CAP2: variants seen among roughly 807,000 people sequenced by gnomAD.
CAP2 encodes adenylyl cyclase-associated protein 2.
In CAP2, 24 loss-of-function variants were observed where a neutral mutation model predicts 57.7. The ratio of observed to expected loss-of-function variants is 0.42; its 90% CI spans 0.30 to 0.58. The LOEUF (loss-of-function observed/expected upper bound fraction) is 0.58, where lower values mean the gene tolerates loss of function less well. Among genes scored for constraint, CAP2 ranks in the 20% least tolerant of loss-of-function variants. CAP2 has a pLI of 0.22. For synonymous variants in CAP2, 194 were observed against 207.2 expected (o/e 0.94, Z 0.55); for missense variants, 501 against 590.3 (o/e 0.85, Z 1.57).
At chr6:17,537,857 A>G (rs1762809327) in intron 7 of CAP2, among the ~76,000 whole-genome samples, 1 of 152,112 alleles carries the variant, frequency 6.6e-6, no homozygotes, top group South Asian at 2.1e-4. Context: ...TCTTGAGGTC[A>G]GGAGTTCGAG....
intron 4 of CAP2, among the ~76,000 whole-genome samples, chr6:17,504,513 C>T (rs535505052): frequency 5.9e-5 from 9 of 152,184 alleles, no homozygotes; most frequent in Non-Finnish European, 1.2e-4. Flanking sequence ...CACCCAGTAT[C>T]GAGAATTGTC....
chr6:17,410,028 G>A (rs913222835), intron 1 of CAP2, among the ~76,000 whole-genome samples: 2 of 152,116 alleles, frequency 1.3e-5, no homozygotes, highest in African/African-American at 4.8e-5. Context: ...ATATTTACTC[G>A]TCATTCATGC....
chr6:17,397,924 GA>G (rs59242524), intron 1 of CAP2, among the ~76,000 whole-genome samples: 8,907 of 138,966 alleles, frequency 0.064, 329 homozygotes, highest in Admixed American at 0.086. Flanking sequence ...ATTTTAATGG[GA>G]AAAAAAAAAA....
In CAP2 at chr6:17,505,046, G is replaced by A. The variant is rs1333569908; in HGVS notation, c.301-2123G>A. ...TTTTTACCTCTGGTATGAGTTAACT[G>A]CATCATGGAAATAATAATAATTACT... On this transcript the variant is annotated intron_variant, in intron 4 of 12. Coordinates refer to ENST00000229922, the MANE Select transcript of CAP2 (RefSeq NM_006366.3). Among the ~76,000 whole-genome samples the A allele has an allele frequency of 3.3e-5, 5 of 152,112 alleles. No individual in the cohort carries two copies. The East Asian group carries it at 9.6e-4, about 29-fold the overall frequency.
intron 6 of CAP2, among the ~76,000 whole-genome samples, chr6:17,508,934 A>G (rs1314979573): frequency 6.6e-6 from 1 of 151,672 alleles, no homozygotes; most frequent in African/African-American, 2.4e-5. Flanking sequence ...ATTTTTGTAT[A>G]TTTAGTAGAG....
chr6:17,394,423 C>T (rs1758620657), intron 1 of CAP2, among the ~76,000 whole-genome samples: 1 of 152,116 alleles, frequency 6.6e-6, no homozygotes, highest in African/African-American at 2.4e-5. Flanking sequence ...AAAAATCAAC[C>T]TGCAGATGGC....
chr6:17,527,689 G>A (rs1031138982), intron 7 of CAP2, among the ~76,000 whole-genome samples: 12 of 146,510 alleles, frequency 8.2e-5, no homozygotes, highest in Non-Finnish European at 1.6e-4. Context: ...CTCGCCTCCC[G>A]GGATCAAGCG....
At chr6:17,486,959 G>A (rs1352564993) in intron 4 of CAP2, among the ~76,000 whole-genome samples, 2 of 152,192 alleles carry the variant, frequency 1.3e-5, no homozygotes, top group Non-Finnish European at 2.9e-5. Context: ...ATGGAGCCCT[G>A]CAGTTCTCCT....
chr6:17,548,805 A>G (rs1232709110), intron 11 of CAP2, among the ~76,000 whole-genome samples: 1 of 152,230 alleles, frequency 6.6e-6, no homozygotes, highest in Non-Finnish European at 1.5e-5. Flanking sequence ...CAATAGATGC[A>G]TAGATGGAAA....
At chr6:17,443,648 G>A (rs1441127507) in intron 3 of CAP2, among the ~76,000 whole-genome samples, 1 of 151,464 alleles carries the variant, frequency 6.6e-6, no homozygotes, top group Admixed American at 6.6e-5. Flanking sequence ...ATATTGTATT[G>A]GCTACATGTA....
chr6:17,399,214 C>T (rs1241532161), intron 1 of CAP2, among the ~76,000 whole-genome samples: 2 of 152,174 alleles, frequency 1.3e-5, no homozygotes, highest in African/African-American at 4.8e-5. Flanking sequence ...AGGCGCTTGC[C>T]ACCCCACCCA....
intron 4 of CAP2, among the ~76,000 whole-genome samples, chr6:17,463,618 C>A (rs77618648): frequency 1.3e-5 from 2 of 152,084 alleles, no homozygotes; most frequent in African/African-American, 2.4e-5. Flanking sequence ...GTTTATGGGT[C>A]GTCTACGGAG....
intron 4 of CAP2, among the ~76,000 whole-genome samples, chr6:17,490,398 A>C (rs1761516574): frequency 6.6e-6 from 1 of 152,202 alleles, no homozygotes; most frequent in South Asian, 2.1e-4. Flanking sequence ...CCAAGCATTT[A>C]TGTCTTGAAA....
chr6:17,436,111 TTCCTTCCTTCCC>T (rs1759881117), intron 3 of CAP2, among the ~76,000 whole-genome samples: 1 of 151,046 alleles, frequency 6.6e-6, no homozygotes, highest in African/African-American at 2.4e-5. Flanking sequence ...CCTTCCTTCC[TTCCTTCCTTCCC>T]TCCTTCCTTC....
chr6:17,400,289 A>C (rs1162781660), intron 1 of CAP2, among the ~76,000 whole-genome samples: 1 of 152,100 alleles, frequency 6.6e-6, no homozygotes, highest in Non-Finnish European at 1.5e-5. Context: ...TTGTTGTCCT[A>C]TTATTATGCA....
intron 1 of CAP2, among the ~76,000 whole-genome samples, chr6:17,415,772 T>C (rs1415866340): frequency 6.6e-6 from 1 of 152,128 alleles, no homozygotes; most frequent in African/African-American, 2.4e-5. Flanking sequence ...GTCTCACAGA[T>C]GCAAAATAGG....
intron 11 of CAP2, among the ~76,000 whole-genome samples, chr6:17,550,893 A>C (rs1349470173): frequency 6.6e-6 from 1 of 152,146 alleles, no homozygotes; most frequent in Non-Finnish European, 1.5e-5. Flanking sequence ...CATTCATCTC[A>C]TGTAAGCCTC....
Position 17,474,808 on chromosome 6 carries a change from G to A in CAP2, c.300+11735G>A, listed in dbSNP as rs144157137. ...AGAGTTGATATCTCTTTGCTTTTCT[G>A]ACATATTGTGGTCTTCACAATATTT... On this transcript the variant is annotated intron_variant, in intron 4 of 12. Transcript: ENST00000229922. Among the ~76,000 whole-genome samples the A allele has an allele frequency of 3.4e-3, 524 of 152,200 alleles. 5 individuals are homozygous for A. Among genetic ancestry groups the A allele is most frequent in the African/African-American group, 0.011 (475 of 41,510 alleles).
At chr6:17,452,357 C>T (rs1760429077) in intron 3 of CAP2, among the ~76,000 whole-genome samples, 1 of 152,164 alleles carries the variant, frequency 6.6e-6, no homozygotes, top group East Asian at 1.9e-4. Context: ...CACAAGCAGA[C>T]GTATATGTTT....
Sources: gnomAD v4.1 joint callset for allele counts (sites outside exome capture counted in the v4.1 genomes callset) on GRCh38, gnomAD v4.1.1 for gene constraint, MANE v1.5 for transcripts, NCBI Gene and HGNC (gene_info 2026-07-23, HGNC 2026-07-21) for gene names.